The following SH2D4B variants were observed in gnomAD, a reference collection of about 807,000 sequenced individuals.
The protein encoded by SH2D4B is SH2 domain-containing protein 4B.
SH2D4B carries 45 observed loss-of-function variants against 61.5 expected under a neutral mutation model. The observed-to-expected ratio is 0.73, with a 90% confidence interval of 0.58 to 0.94. The LOEUF is 0.94. Among genes scored for constraint, SH2D4B ranks in the 40% least tolerant of loss-of-function variants. The pLI is 0.00. For missense variants in SH2D4B, 572 were observed against 574.2 expected, an observed-to-expected ratio of 1.00 and a Z score of 0.04; for synonymous variants, 224 against 220.4, an observed-to-expected ratio of 1.02 and a Z score of -0.14.
At chr10:80,601,621 T>C (rs1444100377) in intron 4 of SH2D4B, among the ~76,000 whole-genome samples, 2 of 152,222 alleles carry the variant, frequency 1.3e-5, no homozygotes, top group Non-Finnish European at 2.9e-5. Flanking sequence ...TAGTGGATAT[T>C]CTGTATGGGA....
chr10:80,634,604 G>T lies in SH2D4B; in HGVS notation c.1209+99G>T, dbSNP rs572054717. 9.4e-6 allele frequency: 14 copies of T among 1,482,004 alleles called. No individual in the cohort carries two copies. The Admixed American group carries it at 1.7e-4, about 18-fold the overall frequency. The allele number at this position is 1,482,004 out of a possible 1,614,324, so 91.8% of individuals were successfully genotyped here. On this transcript the variant is annotated intron_variant, in intron 7 of 7. Transcript: ENST00000646907. ...AAGAGAAGCAAGGCTGCTGGCTCTG[G>T]GCAGTGGGGCTGGAGGGTCTCAGAG...
chr10:80,630,553 G>T (rs988683853), intron 6 of SH2D4B, among the ~76,000 whole-genome samples: 1 of 152,216 alleles, frequency 6.6e-6, no homozygotes, highest in Non-Finnish European at 1.5e-5. Context: ...GGACCTGAGG[G>T]GTGGGGATAG....
At chr10:80,622,068 T>A (rs762760148) in intron 6 of SH2D4B, among the ~76,000 whole-genome samples, 6 of 152,158 alleles carry the variant, frequency 3.9e-5, no homozygotes, top group African/African-American at 1.4e-4. Context: ...GGACCATTTT[T>A]AATTATTTCT....
intron 1 of SH2D4B, chr10:80,541,029 T>C (rs1841571781): frequency 1.1e-6 from 1 of 916,856 alleles, no homozygotes; most frequent in African/African-American, 1.6e-5. Flanking sequence ...CAAGAAACTG[T>C]TAGTGAGAAG....
intron 5 of SH2D4B, among the ~76,000 whole-genome samples, chr10:80,608,796 A>G (rs1842552671): frequency 1.3e-5 from 2 of 152,104 alleles, no homozygotes; most frequent in Non-Finnish European, 2.9e-5. Flanking sequence ...TTTTCTGGGC[A>G]GGGAATCTCA....
Position 80,570,255 on chromosome 10 carries a change from T to A in SH2D4B, c.286T>A (p.Ser96Thr). Residue 96 changes from serine to threonine, a missense_variant, in exon 2 of 8, where the codon TCT becomes ACT. Physicochemically the swap from Ser to Thr is moderately conservative, Grantham distance 58 (BLOSUM62 1). Transcript: ENST00000646907. Reference sequence around the variant, plus strand: ...TGGTGACAAGCCCTACGAAGAGATCTCTGAGGAGCTGATTGCAGAGAGGGC... The same window carrying A: ...TGGTGACAAGCCCTACGAAGAGATCACTGAGGAGCTGATTGCAGAGAGGGC... Reference protein sequence around the residue: ...GPGDKPYEEISEELIAERARL... With the variant: ...GPGDKPYEEITEELIAERARL... 1.9e-6 allele frequency: 3 copies of A among 1,614,022 alleles called. No individual in the cohort carries two copies. The South Asian group carries it at 3.3e-5, about 18-fold the overall frequency.
intron 7 of SH2D4B, among the ~76,000 whole-genome samples, chr10:80,641,817 T>A (rs1008548057): frequency 6.6e-6 from 1 of 152,332 alleles, no homozygotes. Context: ...CACAGTTTCA[T>A]TTCTAACACT....
chr10:80,591,505 C>CTTTTTT (rs763446349), intron 4 of SH2D4B, among the ~76,000 whole-genome samples: 5 of 108,916 alleles, frequency 4.6e-5, no homozygotes, highest in Admixed American at 1.1e-4. Context: ...GCCAAACTGG[C>CTTTTTT]TTTTTTTTTT....
chr10:80,587,991 A>T (rs1434790916), intron 3 of SH2D4B, among the ~76,000 whole-genome samples: 1 of 151,978 alleles, frequency 6.6e-6, no homozygotes, highest in Non-Finnish European at 1.5e-5. Flanking sequence ...TCTCCTCACC[A>T]CCACCTTGTC....
intron 1 of SH2D4B, among the ~76,000 whole-genome samples, chr10:80,553,043 G>A (rs1217475906): frequency 6.6e-6 from 1 of 152,092 alleles, no homozygotes; most frequent in Non-Finnish European, 1.5e-5. Flanking sequence ...AGCCTCCCGA[G>A]TAGCTGGGAT....
intron 3 of SH2D4B, among the ~76,000 whole-genome samples, chr10:80,587,965 C>T (rs947593067): frequency 6.6e-6 from 1 of 152,164 alleles, no homozygotes; most frequent in Non-Finnish European, 1.5e-5. Flanking sequence ...GGCATTCCAC[C>T]TGTTTCAACC....
At chr10:80,623,059 C>T (rs1842733087) in intron 6 of SH2D4B, among the ~76,000 whole-genome samples, 3 of 152,178 alleles carry the variant, frequency 2.0e-5, no homozygotes, top group Admixed American at 6.5e-5. Context: ...GGATTACAGG[C>T]GTGTGCCACC....
In SH2D4B at chr10:80,593,565, A is replaced by G. The variant is rs567121879; in HGVS notation, c.643+4788A>G. Among the ~76,000 whole-genome samples, 4 of 152,298 alleles carry G rather than the reference A, an allele frequency of 2.6e-5. No homozygotes were observed. The East Asian group carries it at 7.7e-4, about 29-fold the overall frequency. On this transcript the variant is annotated intron_variant, in intron 4 of 7. Coordinates refer to ENST00000646907, the MANE Select transcript of SH2D4B (RefSeq NM_001388272.1). ...TGATCTTGTATCCTGTAACCTTACTAGCCTTGTTTATTAGCTGGAATGTAT... is the reference window on the plus strand; with the variant it reads ...TGATCTTGTATCCTGTAACCTTACTGGCCTTGTTTATTAGCTGGAATGTAT...
chr10:80,636,687 T>C (rs1840178306), intron 7 of SH2D4B, among the ~76,000 whole-genome samples: 1 of 152,236 alleles, frequency 6.6e-6, no homozygotes, highest in East Asian at 1.9e-4. Context: ...TCTCTGTAGA[T>C]TCTGGATATT....
At chr10:80,566,947 C>G (rs1025669976) in intron 1 of SH2D4B, among the ~76,000 whole-genome samples, 1 of 152,118 alleles carries the variant, frequency 6.6e-6, no homozygotes. Flanking sequence ...GCAATGCACT[C>G]CTATATATAT....
At chr10:80,550,301 G>A (rs1012242663) in intron 1 of SH2D4B, among the ~76,000 whole-genome samples, 12 of 152,116 alleles carry the variant, frequency 7.9e-5, no homozygotes, top group African/African-American at 2.9e-4. Context: ...TTGATTGAAA[G>A]ACACATCATT....
chr10:80,637,139 T>G (rs1840193998), intron 7 of SH2D4B, among the ~76,000 whole-genome samples: 2 of 152,182 alleles, frequency 1.3e-5, no homozygotes, highest in African/African-American at 4.8e-5. Context: ...TTCTGTTCCA[T>G]TGGTCTATAT....
chr10:80,603,568 C>T lies in SH2D4B; in HGVS notation c.644-11C>T, dbSNP rs748521854. ...CGGATCTGGGCTAACGTGCTGTCTTCCTCTTTCCAGTGCGCCGGTCCAAGG... is the reference window on the plus strand; with the variant it reads ...CGGATCTGGGCTAACGTGCTGTCTTTCTCTTTCCAGTGCGCCGGTCCAAGG... On this transcript the variant is annotated splice_polypyrimidine_tract_variant and intron_variant, in intron 4 of 7. Coordinates refer to ENST00000646907, the MANE Select transcript of SH2D4B (RefSeq NM_001388272.1). 25 of 1,535,576 alleles carry T rather than the reference C, an allele frequency of 1.6e-5. No homozygotes were observed. Among genetic ancestry groups the T allele is most frequent in the Non-Finnish European group, 2.2e-5 (25 of 1,136,158 alleles).
intron 4 of SH2D4B, among the ~76,000 whole-genome samples, chr10:80,602,542 C>G (rs746328456): frequency 6.6e-6 from 1 of 152,104 alleles, no homozygotes; most frequent in South Asian, 2.1e-4. Context: ...CTTGGAGTCT[C>G]GTAAGCTGTT....
Sources: gnomAD v4.1 joint callset for allele counts (sites outside exome capture counted in the v4.1 genomes callset) on GRCh38, gnomAD v4.1.1 for gene constraint, MANE v1.5 for transcripts, NCBI Gene and HGNC (gene_info 2026-07-23, HGNC 2026-07-21) for gene names.